The following CYP2A7 variants were observed in gnomAD, a reference collection of about 807,000 sequenced individuals.
CYP2A7 encodes cytochrome P450 2A7.
Under a neutral mutation model 42.0 loss-of-function variants are expected in CYP2A7, and 36 were observed. The observed-to-expected ratio is 0.86, with a 90% CI of 0.66 to 1.13. The LOEUF is 1.13. Among genes scored for constraint, CYP2A7 ranks in the 50% most tolerant of loss-of-function variants. The pLI is 0.00. For synonymous variants in CYP2A7, 260 were observed against 249.5 expected (o/e 1.04, Z -0.40); for missense variants, 661 against 634.1 (o/e 1.04, Z -0.46).
At chr19:40,878,017 C>T (rs769687075) in intron 5 of CYP2A7, 24 bp from the exon 6 acceptor site, 2 of 1,603,740 alleles carry the variant, frequency 1.2e-6, no homozygotes, top group Non-Finnish European at 1.7e-6. Context: ...GGGCTTTAGG[C>T]CAACCTCACT....
In CYP2A7 at chr19:40,880,231, A is replaced by T. The variant is rs4142867; in HGVS notation, c.507T>A (p.Asp169Glu). The change falls in exon 4 of 9, where the codon GAT becomes GAA. Residue 169 changes from aspartate to glutamate, a missense_variant. Asp to Glu is a conservative substitution (Grantham distance 45). Transcript: ENST00000301146. ...CTGTGCGGCTCAGGAAGAAGGTGGG[A>T]TCGATATTGGCGCCTGCGGGTGTGG... ...AIRSTHGANIDPTFFLSRTVS... is the reference protein window; with the variant it reads ...AIRSTHGANIEPTFFLSRTVS... 3.7e-6 allele frequency: 6 copies of T among 1,611,868 alleles called. 1 individual carries two copies. Among genetic ancestry groups the T allele is most frequent in the Non-Finnish European group, 5.1e-6 (6 of 1,178,870 alleles).
chr19:40,881,660 A>G lies in CYP2A7; in HGVS notation c.272T>C (p.Leu91Pro), dbSNP rs1434478191. The G allele has an allele frequency of 1.2e-6, 2 of 1,613,284 alleles. No individual in the cohort carries two copies. Among genetic ancestry groups the G allele is most frequent in the Non-Finnish European group, 1.7e-6 (2 of 1,179,784 alleles). Reference protein sequence around the residue: ...LCGHDAVREALVDQAEEFSGR... With the variant: ...LCGHDAVREAPVDQAEEFSGR... ...GCTGAACTCCTCAGCCTGGTCCACCAGAGCCTCCCTGACGGCATCATGTCC... is the reference window on the plus strand; with the variant it reads ...GCTGAACTCCTCAGCCTGGTCCACCGGAGCCTCCCTGACGGCATCATGTCC... Residue 91 changes from leucine (L) to proline (P), a missense_variant, in exon 2 of 9, where the codon CTG becomes CCG. This residue lies in a region of CYP2A7 where 614 missense variants were observed against 552.4 expected (regional missense o/e 1.11). Coordinates refer to ENST00000301146, the MANE Select transcript of CYP2A7 (RefSeq NM_000764.3).
intron 4 of CYP2A7, among the ~76,000 whole-genome samples, chr19:40,879,304 CTAGG>C (rs1302579585): frequency 6.6e-6 from 1 of 151,542 alleles, no homozygotes; most frequent in East Asian, 1.9e-4. Flanking sequence ...TGTCACCTGT[CTAGG>C]TATTTAGGCA....
chr19:40,877,315 G>A lies in CYP2A7; in HGVS notation c.1036C>T (p.Arg346Trp), dbSNP rs142068831. 2.8e-4 allele frequency: 446 copies of A among 1,612,762 alleles called. 1 individual carries two copies. The African/African-American group carries it at 4.8e-3, about 17-fold the overall frequency. Reference sequence around the variant, plus strand: ...GCCTCCATGTAGGGCATCTTGGTCCGGTCCTCAAACTTGGGCTGCCGGTTC... The same window carrying A: ...GCCTCCATGTAGGGCATCTTGGTCCAGTCCTCAAACTTGGGCTGCCGGTTC... ...GKNRQPKFED[R>W]TKMPYMEAVI... The change falls in exon 7 of 9, where the codon CGG becomes TGG. Residue 346 changes from arginine to tryptophan, a missense_variant. Physicochemically the swap from Arg to Trp is moderately radical, Grantham distance 101 (BLOSUM62 -3). Around this residue, in one of 3 missense-constraint regions of CYP2A7, gnomAD observed 614 missense variants for 552.4 expected, o/e 1.11. Coordinates refer to ENST00000301146, the MANE Select transcript of CYP2A7 (RefSeq NM_000764.3).
rs761003799 is a variant in CYP2A7 at position 40,878,766 on chromosome 19, C to T, written c.825G>A (p.Met275Ile). ...ACTGGCTGCTGGGGTGTACCTCCTG[C>T]ATGTGGATGAGAAAGGAGTCGATGA... is the stretch of plus-strand genomic sequence containing the variant. ...QDFIDSFLIH[M>I]QEEEKNPNTE... Residue 275 changes from methionine to isoleucine, a missense_variant, in exon 5 of 9, where the codon ATG becomes ATA. Physicochemically the swap from Met to Ile is conservative, Grantham distance 10. Transcript: ENST00000301146. The T allele has an allele frequency of 3.7e-6, 6 of 1,610,890 alleles. No individual in the cohort carries two copies. In the East Asian group the frequency reaches 1.3e-4, roughly 36 times the overall value.
rs777759081 is a variant in CYP2A7 at position 40,880,130 on chromosome 19, C to T, written c.608G>A (p.Ser203Asn). 2 of 1,613,022 alleles carry T rather than the reference C, an allele frequency of 1.2e-6. No individual in the cohort carries two copies. The highest frequency in any genetic ancestry group is 1.1e-5 in the South Asian group (1 of 91,028). Residue 203 changes from serine (S) to asparagine (N), a missense_variant, in exon 4 of 9, where the codon AGC becomes AAC. Ser to Asn is a conservative substitution (Grantham distance 46, BLOSUM62 1). This residue lies in a region of CYP2A7 where 614 missense variants were observed against 552.4 expected (regional missense o/e 1.11). Coordinates refer to ENST00000301146, the MANE Select transcript of CYP2A7 (RefSeq NM_000764.3). ...YEDKEFLSLLSMMLGIFQFTS... is the reference protein window; with the variant it reads ...YEDKEFLSLLNMMLGIFQFTS... ...GAACTGGAAGATTCCTAGCATCATG[C>T]TCAGCAGTGACAGGAACTCTTTGTC...
Position 40,877,360 on chromosome 19 carries a change from T to C in CYP2A7, c.991A>G (p.Ile331Val). 6.2e-7 allele frequency: 1 copy of C among 1,612,404 alleles called. No homozygotes were observed. The highest frequency in any genetic ancestry group is 2.2e-5 in the East Asian group (1 of 44,858). The part of the protein sequence containing the change: ...PEVEAKVHEE[I>V]DRVIGKNRQP... ...CGGTTCTTGCCGATCACTCTGTCAA[T>C]CTCCTCATGGACCTTGGCTGGGGGA... The change falls in exon 7 of 9, where the codon ATT becomes GTT. Residue 331 changes from isoleucine to valine, a missense_variant. Coordinates refer to ENST00000301146, the MANE Select transcript of CYP2A7 (RefSeq NM_000764.3).
At chr19:40,877,821 G>A (rs1315592063) in intron 6 of CYP2A7, 31 bp downstream of exon 6, 4 of 1,586,468 alleles carry the variant, frequency 2.5e-6, no homozygotes, top group Non-Finnish European at 3.4e-6. Context: ...AGGGTCTGGG[G>A]CCCTCCACTT....
intron 6 of CYP2A7, 94 bp from the exon 7 acceptor site, chr19:40,877,471 C>G: frequency 6.5e-7 from 1 of 1,543,676 alleles, no homozygotes; most frequent in Non-Finnish European, 8.8e-7. Context: ...TGATACGGCT[C>G]CCCCTATGAG....
chr19:40,878,005 G>A lies in CYP2A7; in HGVS notation c.832-12C>T. ...GGGTTCTTCTCCTCCTGCAGGGAGAGGGGGCTTTAGGCCAACCTCACTCCT... is the reference window on the plus strand; with the variant it reads ...GGGTTCTTCTCCTCCTGCAGGGAGAAGGGGCTTTAGGCCAACCTCACTCCT... On this transcript the variant is annotated splice_polypyrimidine_tract_variant and intron_variant, in intron 5 of 8. Transcript: ENST00000301146. The A allele has an allele frequency of 2.5e-6, 4 of 1,608,158 alleles. No individual in the cohort carries two copies. The highest frequency in any genetic ancestry group is 3.4e-6 in the Non-Finnish European group (4 of 1,177,142).
intron 4 of CYP2A7, 94 bp downstream of exon 4, chr19:40,879,990 G>C: frequency 1.9e-6 from 3 of 1,567,618 alleles, no homozygotes; most frequent in Admixed American, 1.7e-5. Context: ...ACACTGTCTG[G>C]AGCGGGGTGG....
intron 6 of CYP2A7, 119 bp from the exon 7 acceptor site, chr19:40,877,496 T>C: frequency 6.9e-7 from 1 of 1,444,224 alleles, no homozygotes. Flanking sequence ...AGGTAGAGCA[T>C]TCATAACAGA....
At chr19:40,881,099 A>T (rs1172652555) in intron 2 of CYP2A7, among the ~76,000 whole-genome samples, 1 of 151,458 alleles carries the variant, frequency 6.6e-6, no homozygotes, top group Non-Finnish European at 1.5e-5. Flanking sequence ...AAAAATACTG[A>T]GACAGAAACA....
At chr19:40,881,251 C>T (rs1252295428) in intron 2 of CYP2A7, among the ~76,000 whole-genome samples, 2 of 151,146 alleles carry the variant, frequency 1.3e-5, no homozygotes, top group East Asian at 3.9e-4. Context: ...AGCACAGAAG[C>T]TGAGAGCAAC....
intron 5 of CYP2A7, among the ~76,000 whole-genome samples, chr19:40,878,526 G>C (rs113971769): frequency 6.6e-6 from 1 of 151,808 alleles, no homozygotes; most frequent in African/African-American, 2.4e-5. Flanking sequence ...GTAGAGACAG[G>C]GTTTGACCAT....
At chr19:40,878,117 T>A in intron 5 of CYP2A7, 124 bp from the exon 6 acceptor site, 1 of 1,100,560 alleles carries the variant, frequency 9.1e-7, no homozygotes. Flanking sequence ...ACCCTAGATC[T>A]ACCAGACTCG....
At chr19:40,875,967 G>A (rs1967521257) in intron 8 of CYP2A7, 93 bp from the exon 9 acceptor site, 4 of 1,483,366 alleles carry the variant, frequency 2.7e-6, no homozygotes, top group Middle Eastern at 2.1e-4. Context: ...CTCCCAGGGA[G>A]GAGGGGTGGA....
Position 40,881,568 on chromosome 19 carries a change from C to T in CYP2A7, c.343+21G>A, listed in dbSNP as rs376196833. ...CATCGTGTCCGCCTGGCCACCTTCC[C>T]CATCTTGGGCACCCCCTCACCATAG... On this transcript the variant is annotated intron_variant, in intron 2 of 8. Transcript: ENST00000301146. 164 of 1,611,058 alleles carry T rather than the reference C, an allele frequency of 1.0e-4. No homozygotes were observed. In the African/African-American group the frequency reaches 2.0e-3, roughly 19 times the overall value.
In CYP2A7 at chr19:40,875,617, C is replaced by T; in HGVS notation, c.*76G>A. ...CATCTTCCCCCCATTCTTATACCCGCCTCTTCCGCGAACCCCGCCCTGACC... is the reference window on the plus strand; with the variant it reads ...CATCTTCCCCCCATTCTTATACCCGTCTCTTCCGCGAACCCCGCCCTGACC... On this transcript the variant is annotated 3_prime_UTR_variant, in exon 9 of 9. Transcript: ENST00000301146. 2 of 1,605,742 alleles carry T rather than the reference C, an allele frequency of 1.2e-6. No individual in the cohort carries two copies. Among genetic ancestry groups the T allele is most frequent in the Non-Finnish European group, 1.7e-6 (2 of 1,174,408 alleles).
Sources: allele counts gnomAD v4.1 joint callset (sites outside exome capture counted in the v4.1 genomes callset), GRCh38; gene constraint gnomAD v4.1.1; regional missense constraint gnomAD v4.1.1; transcripts MANE v1.5; gene names NCBI Gene and HGNC (gene_info 2026-07-23, HGNC 2026-07-21).